Variants in ERBIN observed in about 807,000 individuals in gnomAD.
ERBIN encodes densin-180-like protein.
In ERBIN, 60 loss-of-function variants were observed where a neutral mutation model predicts 158.4. That is an observed-to-expected ratio of 0.38 (90% CI 0.31 to 0.47). The LOEUF (loss-of-function observed/expected upper bound fraction) is 0.47, where lower values mean the gene tolerates loss of function less well. Among genes scored for constraint, ERBIN ranks in the 20% least tolerant of loss-of-function variants. The probability of loss-of-function intolerance (pLI) is 0.99; values close to 1 mark genes in which losing one functional copy is unlikely to be tolerated. For missense variants in ERBIN, 1,610 were observed against 1,648.0 expected (o/e 0.98, Z 0.40); for synonymous variants, 594 against 557.2 (o/e 1.07, Z -0.93).
At chr5:65,965,372 GTTTTTTGTTGTTTTTTTTTTTTTTTTT>G (rs1229609620) in intron 1 of ERBIN, among the ~76,000 whole-genome samples, 5 of 113,850 alleles carry the variant, frequency 4.4e-5, no homozygotes, top group African/African-American at 1.6e-4. Context: ...TACCAGATTT[GTTTTTTGTTGTTTTTTTTTTTTTTTTT>G]TTTTTTTTTT....
chr5:66,043,210 C>G lies in ERBIN; in HGVS notation c.1428+12C>G. 1.2e-6 allele frequency: 2 copies of G among 1,608,068 alleles called. No homozygotes were observed. The highest frequency in any genetic ancestry group is 1.7e-6 in the Non-Finnish European group (2 of 1,177,968). On this transcript the variant is annotated intron_variant, in intron 16 of 25. Coordinates refer to ENST00000284037, the MANE Select transcript of ERBIN (RefSeq NM_001253697.2). ...AGGCACCTCCCAGGGTGAGTCTGTTCTTTATTCTTTAAAATTTGAAACAAG... is the reference window on the plus strand; with the variant it reads ...AGGCACCTCCCAGGGTGAGTCTGTTGTTTATTCTTTAAAATTTGAAACAAG...
chr5:65,988,491 C>T (rs937652400), intron 1 of ERBIN, 144 bp from the exon 2 acceptor site: 2 of 151,846 alleles, frequency 1.3e-5, no homozygotes, highest in Non-Finnish European at 2.9e-5. Context: ...ACTATTTGGT[C>T]TTAACTGTTT....
At chr5:66,061,528 A>G (rs1760339974) in intron 21 of ERBIN, among the ~76,000 whole-genome samples, 1 of 152,190 alleles carries the variant, frequency 6.6e-6, no homozygotes, top group Non-Finnish European at 1.5e-5. Flanking sequence ...TAATTGGAGC[A>G]TTTAGCCCAT....
At chr5:66,064,820 G>T (rs1760820550) in intron 21 of ERBIN, among the ~76,000 whole-genome samples, 1 of 152,100 alleles carries the variant, frequency 6.6e-6, no homozygotes, top group South Asian at 2.1e-4. Flanking sequence ...TGAAGAGGTA[G>T]CCAAGGTTTC....
intron 7 of ERBIN, among the ~76,000 whole-genome samples, chr5:66,018,170 G>A (rs1754998471): frequency 6.6e-6 from 1 of 151,196 alleles, no homozygotes; most frequent in African/African-American, 2.4e-5. Flanking sequence ...CTTTTGTTGT[G>A]GTTCTGTATA....
chr5:66,003,719 G>A (rs1434654922), intron 4 of ERBIN, among the ~76,000 whole-genome samples: 1 of 152,058 alleles, frequency 6.6e-6, no homozygotes, highest in Non-Finnish European at 1.5e-5. Context: ...AGAACACTGA[G>A]GCCTCCATCT....
intron 21 of ERBIN, among the ~76,000 whole-genome samples, chr5:66,057,651 T>G (rs1759753491): frequency 6.6e-6 from 1 of 151,338 alleles, no homozygotes; most frequent in Non-Finnish European, 1.5e-5. Context: ...GCTGCACCCA[T>G]TAACTCGTCA....
intron 1 of ERBIN, among the ~76,000 whole-genome samples, chr5:65,972,869 TC>T (rs1749419770): frequency 6.6e-6 from 1 of 151,374 alleles, no homozygotes; most frequent in South Asian, 2.1e-4. Flanking sequence ...GTGTTCCTAA[TC>T]ATTCCCAGCC....
intron 4 of ERBIN, among the ~76,000 whole-genome samples, chr5:66,001,571 G>T (rs1304142786): frequency 1.3e-5 from 2 of 152,126 alleles, no homozygotes; most frequent in Non-Finnish European, 2.9e-5. Context: ...TTAAACTGGG[G>T]ACTTAATCTA....
intron 15 of ERBIN, among the ~76,000 whole-genome samples, chr5:66,041,438 GAA>G (rs1402452859): frequency 6.6e-6 from 1 of 151,934 alleles, no homozygotes; most frequent in East Asian, 1.9e-4. Context: ...TAGGTGGAGA[GAA>G]AATCTGTAGC....
At chr5:65,952,801 A>T (rs1343550280) in intron 1 of ERBIN, among the ~76,000 whole-genome samples, 1 of 152,224 alleles carries the variant, frequency 6.6e-6, no homozygotes, top group Non-Finnish European at 1.5e-5. Flanking sequence ...ATCTTATCCA[A>T]ATGCTTTATT....
At chr5:66,077,597 A>T (rs563064525) in intron 25 of ERBIN, among the ~76,000 whole-genome samples, 14 of 151,984 alleles carry the variant, frequency 9.2e-5, no homozygotes, top group South Asian at 6.2e-4. Flanking sequence ...AAAACTAATT[A>T]AAAAAAATTT....
At chr5:66,055,195 G>A (rs1048021581) in intron 21 of ERBIN, 1 of 930,420 alleles carries the variant, frequency 1.1e-6, no homozygotes, top group Non-Finnish European at 1.4e-6. Flanking sequence ...ATATGTTTAT[G>A]TGTCTGTCTC....
chr5:66,042,453 T>G (rs1478568764), intron 15 of ERBIN, among the ~76,000 whole-genome samples: 1 of 152,006 alleles, frequency 6.6e-6, no homozygotes, highest in East Asian at 1.9e-4. Flanking sequence ...CTTCGGAATA[T>G]TTGCAGAATT....
At chr5:66,021,300 T>C in intron 7 of ERBIN, 22 bp from the exon 8 acceptor site, 1 of 1,499,822 alleles carries the variant, frequency 6.7e-7, no homozygotes, top group Non-Finnish European at 9.1e-7. Flanking sequence ...TAGTTAATTT[T>C]TCATTACTCC....
chr5:65,943,716 A>G (rs976932219), intron 1 of ERBIN, among the ~76,000 whole-genome samples: 1 of 152,192 alleles, frequency 6.6e-6, no homozygotes, highest in Admixed American at 6.5e-5. Context: ...TACAAATAAA[A>G]TATCTTAACC....
chr5:65,940,725 C>G (rs1191142790), intron 1 of ERBIN, among the ~76,000 whole-genome samples: 1 of 148,884 alleles, frequency 6.7e-6, no homozygotes, highest in African/African-American at 2.6e-5. Context: ...GCCAGCCGCC[C>G]CGTCCGGGAG....
rs1762405590 is a variant in ERBIN, at chr5:66,081,953, T to TATTCGG, written c.*3427_*3428insGGATTC. On this transcript the variant is annotated 3_prime_UTR_variant, in exon 26 of 26. Transcript: ENST00000284037. ...CAGGCAGCCAACTCAGACCTTTGGGTATTCCTTTGTTTCTAAATAAGGACC... is the reference window on the plus strand; with the variant it reads ...CAGGCAGCCAACTCAGACCTTTGGGTATTCGGATTCCTTTGTTTCTAAATAAGGACC... 6.6e-6 allele frequency: 1 copy of TATTCGG among 151,302 alleles called. No individual in the cohort carries two copies. The highest frequency in any genetic ancestry group is 1.5e-5 in the Non-Finnish European group (1 of 67,874). The allele number at this position is 151,302 out of a possible 1,614,324, so 9.4% of individuals were successfully genotyped here. A position where few individuals can be genotyped will look rare whatever the true frequency, so the allele number is the denominator to read the frequency against.
In ERBIN at chr5:66,030,115, G is replaced by A. The variant is rs1435159922; in HGVS notation, c.1206+1772G>A. Among the ~76,000 whole-genome samples, 4 of 152,070 alleles carry A rather than the reference G, an allele frequency of 2.6e-5. No individual in the cohort carries two copies. In the East Asian group the frequency reaches 5.8e-4, roughly 22 times the overall value. ...TGCAGTGGCATGATCTTGGCTCACT[G>A]CAACCTCTGTGCCCCCGGGCTCAAG... On this transcript the variant is annotated intron_variant, in intron 14 of 25. Transcript: ENST00000284037.
Sources: gnomAD v4.1 joint callset for allele counts (sites outside exome capture counted in the v4.1 genomes callset) on GRCh38, gnomAD v4.1.1 for gene constraint, MANE v1.5 for transcripts, NCBI Gene and HGNC (gene_info 2026-07-23, HGNC 2026-07-21) for gene names.